The following FHDC1 variants were observed in gnomAD, a reference collection of about 807,000 sequenced individuals.
FHDC1 encodes FH2 domain-containing protein 1.
In FHDC1, 25 loss-of-function variants were observed where a neutral mutation model predicts 52.6. The ratio of observed to expected loss-of-function variants is 0.48; its 90% confidence interval spans 0.35 to 0.66. The LOEUF is 0.66. Among genes scored for constraint, FHDC1 ranks in the 30% least tolerant of loss-of-function variants. FHDC1 has a pLI of 0.01. For synonymous variants in FHDC1, 616 were observed against 581.5 expected, an observed-to-expected ratio of 1.06 and a Z score of -0.85; for missense variants, 1,459 against 1,452.8, an observed-to-expected ratio of 1.00 and a Z score of -0.07.
the FHDC1 span, among the ~76,000 whole-genome samples, chr4:152,926,254 C>A: frequency 1.7e-5 from 2 of 116,328 alleles, no homozygotes; most frequent in Non-Finnish European, 3.6e-5. Flanking sequence ...AACATGAAGG[C>A]CTTTAAAATA....
chr4:152,931,776 A>T (rs1739255965), upstream of FHDC1, among the ~76,000 whole-genome samples: 2 of 151,946 alleles, frequency 1.3e-5, no homozygotes, highest in South Asian at 4.2e-4. Context: ...GTCTTTACAA[A>T]AAATACAAAA....
chr4:152,926,396 A>G, the FHDC1 span, among the ~76,000 whole-genome samples: 2 of 151,692 alleles, frequency 1.3e-5, no homozygotes, highest in African/African-American at 4.8e-5. Context: ...TTTAAATCTC[A>G]TTTCCATATT....
Position 152,976,570 on chromosome 4 carries a change from G to T in FHDC1, c.3279G>T (p.Arg1093=). 6.2e-7 allele frequency: 1 copy of T among 1,612,692 alleles called. No individual in the cohort carries two copies. Among genetic ancestry groups the T allele is most frequent in the Non-Finnish European group, 8.5e-7 (1 of 1,179,622 alleles). Residue 1093 remains arginine, a synonymous_variant, in exon 12 of 12, where the codon CGG becomes CGT. Transcript: ENST00000511601. ...CTTTGAGGCGAGCCAGCAGTGCCCG[G>T]GCCCCCAAGAAGCGCCCAGAGTCTG... ...SSTLRRASSA[R]APKKRPESAE... is the part of the protein sequence containing the mutation.
At chr4:152,974,607 G>A in intron 11 of FHDC1, 68 bp from the exon 12 acceptor site, 4 of 1,484,476 alleles carry the variant, frequency 2.7e-6, no homozygotes, top group Non-Finnish European at 3.6e-6. Context: ...TCTTAGCGTA[G>A]GTGGCTCTGG....
At position 152,975,799 on chromosome 4, in the gene FHDC1, C is replaced by G. The variant is rs1740850805; in HGVS notation, c.2508C>G (p.Val836=). The change falls in exon 12 of 12, where the codon GTC becomes GTG. Residue 836 remains valine, a synonymous_variant. Coordinates refer to ENST00000511601, the MANE Select transcript of FHDC1 (RefSeq NM_001371116.1). The stretch of plus-strand genomic sequence containing the variant: ...CCCCTGGGGAGGCTCCTGCCCCCGT[C>G]TCTGTGGATAGTGAGCCCAGCTGCA... The part of the protein sequence containing the change: ...SSPPGEAPAP[V]SVDSEPSCKG... 1 of 1,533,684 alleles carries G rather than the reference C, an allele frequency of 6.5e-7. No individual in the cohort carries two copies. The highest frequency in any genetic ancestry group is 8.8e-7 in the Non-Finnish European group (1 of 1,141,392).
chr4:152,948,523 A>G lies in FHDC1; in HGVS notation c.498+4968A>G, dbSNP rs186576984. 6.5e-3 allele frequency among the ~76,000 whole-genome samples: 990 copies of G among 152,232 alleles called. 6 individuals are homozygous for G. The highest frequency in any genetic ancestry group is 0.023 in the South Asian group (110 of 4,818). ...GGCTGGAGTGCAGTGGCATGATCTC[A>G]GCTCACTGCAACCTCCACCTCCTGG... is the stretch of plus-strand genomic sequence containing the variant. On this transcript the variant is annotated intron_variant, in intron 2 of 11. Coordinates refer to ENST00000511601, the MANE Select transcript of FHDC1 (RefSeq NM_001371116.1).
chr4:152,971,746 TGGGTCCACCCCAAACCTGTGAAATCGAAC>T (rs1740644226), intron 10 of FHDC1, among the ~76,000 whole-genome samples: 2 of 152,224 alleles, frequency 1.3e-5, no homozygotes, highest in South Asian at 4.1e-4. Flanking sequence ...ATATTAGTGT[TGGGTCCACCCCAAACCTGTGAAATCGAAC>T]GGGAGGAATA....
upstream of FHDC1, among the ~76,000 whole-genome samples, chr4:152,933,778 GGCAGTACGTCCCACT>G (rs1293157668): frequency 6.6e-6 from 1 of 151,600 alleles, no homozygotes; most frequent in Non-Finnish European, 1.5e-5. Context: ...CATATTCAGG[GGCAGTACGTCCCACT>G]GCTTGAGTGA....
At chr4:152,961,776 T>A (rs1393929923) in intron 6 of FHDC1, among the ~76,000 whole-genome samples, 2 of 152,238 alleles carry the variant, frequency 1.3e-5, no homozygotes, top group Admixed American at 6.5e-5. Flanking sequence ...TTTCTTCATT[T>A]TAGAGAGGAG....
chr4:152,913,863 TAGAGAC>T, the FHDC1 span, among the ~76,000 whole-genome samples: 5,522 of 152,150 alleles, frequency 0.036, 145 homozygotes, highest in East Asian at 0.078. Flanking sequence ...TATTTTTAGT[TAGAGAC>T]AGAGTTTCTC....
At chr4:152,944,152 G>A (rs1162173819) in intron 2 of FHDC1, among the ~76,000 whole-genome samples, 1 of 152,118 alleles carries the variant, frequency 6.6e-6, no homozygotes, top group Non-Finnish European at 1.5e-5. Flanking sequence ...GATTGTGTAG[G>A]AAGGATGTTT....
At position 152,972,552 on chromosome 4, in the gene FHDC1, C is replaced by A; in HGVS notation, c.1383+11C>A. The stretch of plus-strand genomic sequence containing the variant: ...AACAAAGCAGTTAAGGTACATCTGG[C>A]AGCATCTGTGTCTTGGGGTTGTTTG... On this transcript the variant is annotated intron_variant, in intron 11 of 11. Coordinates refer to ENST00000511601, the MANE Select transcript of FHDC1 (RefSeq NM_001371116.1). 2.5e-6 allele frequency: 4 copies of A among 1,600,992 alleles called. No individual in the cohort carries two copies. The highest frequency in any genetic ancestry group is 3.4e-6 in the Non-Finnish European group (4 of 1,175,914).
In FHDC1 at chr4:152,975,561, T is replaced by A; in HGVS notation, c.2270T>A (p.Val757Glu). 6.2e-7 allele frequency: 1 copy of A among 1,613,570 alleles called. No individual in the cohort carries two copies. Among genetic ancestry groups the A allele is most frequent in the Non-Finnish European group, 8.5e-7 (1 of 1,180,016 alleles). ...DEPGSAALGS[V>E]GSSDPENKDP... ...CCTGGAAGTGCAGCTTTGGGATCTGTGGGTAGCAGCGACCCTGAGAACAAA... is the reference window on the plus strand; with the variant it reads ...CCTGGAAGTGCAGCTTTGGGATCTGAGGGTAGCAGCGACCCTGAGAACAAA... Residue 757 changes from valine (V) to glutamate (E), a missense_variant, in exon 12 of 12, where the codon GTG (valine) becomes GAG (glutamate). Val to Glu is a moderately radical substitution (Grantham distance 121, BLOSUM62 -2). Around this residue, in one of 3 missense-constraint regions of FHDC1, gnomAD observed 939 missense variants for 854.5 expected, o/e 1.10. Transcript: ENST00000511601.
At chr4:152,941,301 G>A (rs1416335983) in intron 1 of FHDC1, among the ~76,000 whole-genome samples, 6 of 152,204 alleles carry the variant, frequency 3.9e-5, no homozygotes, top group Non-Finnish European at 8.8e-5. Flanking sequence ...TTACAAGTTT[G>A]TTCCTAGCAG....
chr4:152,925,009 A>AT, the FHDC1 span, among the ~76,000 whole-genome samples: 8 of 91,258 alleles, frequency 8.8e-5, no homozygotes, highest in Non-Finnish European at 1.5e-4. Context: ...TTAAAGTATA[A>AT]TAAAAAAAAA....
At chr4:152,917,999 C>T in the FHDC1 span, among the ~76,000 whole-genome samples, 1 of 151,430 alleles carries the variant, frequency 6.6e-6, no homozygotes, top group African/African-American at 2.5e-5. Flanking sequence ...TATAAGAGAC[C>T]TTGCCTAAAC....
chr4:152,976,956 C>T lies in FHDC1; in HGVS notation c.*233C>T. On this transcript the variant is annotated 3_prime_UTR_variant, in exon 12 of 12. Transcript: ENST00000511601. ...GGATGCACGTTCACTACTGTGACGG[C>T]CGCACCTCCCCCATGCACCCCACCC... The T allele has an allele frequency of 2.5e-6, 1 of 396,920 alleles. No individual in the cohort carries two copies. Among genetic ancestry groups the T allele is most frequent in the Admixed American group, 4.3e-5 (1 of 23,072 alleles). 24.6% of individuals were successfully genotyped at this position (396,920 alleles called of 1,614,324 possible).
chr4:152,966,459 CCTAT>C (rs1216085400), intron 9 of FHDC1, among the ~76,000 whole-genome samples: 4 of 152,106 alleles, frequency 2.6e-5, no homozygotes, highest in Non-Finnish European at 5.9e-5. Context: ...TCACATTCTG[CCTAT>C]CTTTTGTTTT....
At position 152,976,677 on chromosome 4, in the gene FHDC1, C is replaced by T. The variant is rs939638341; in HGVS notation, c.3386C>T (p.Ser1129Phe). The change falls in exon 12 of 12, where the codon TCC (serine) becomes TTC (phenylalanine). Residue 1129 changes from serine to phenylalanine, a missense_variant. Ser to Phe is a radical substitution (Grantham distance 155). Coordinates refer to ENST00000511601, the MANE Select transcript of FHDC1 (RefSeq NM_001371116.1). Reference protein sequence around the residue: ...GERASLRRKDSSRTTLGRILN... With the variant: ...GERASLRRKDFSRTTLGRILN... ...AGGGCCTCCCTCCGTCGGAAGGACT[C>T]CAGTCGGACCACGCTGGGGAGAATC... is the stretch of plus-strand genomic sequence containing the variant. 1 of 1,546,564 alleles carries T rather than the reference C, an allele frequency of 6.5e-7. No individual in the cohort carries two copies. Among genetic ancestry groups the T allele is most frequent in the Admixed American group, 2.1e-5 (1 of 48,176 alleles).
Sources: gnomAD v4.1 joint callset for allele counts (sites outside exome capture counted in the v4.1 genomes callset) on GRCh38, gnomAD v4.1.1 for gene constraint, gnomAD v4.1.1 regional missense constraint, MANE v1.5 for transcripts, NCBI Gene and HGNC (gene_info 2026-07-23, HGNC 2026-07-21) for gene names.